The following HS3ST4 variants were observed in gnomAD, a reference collection of about 807,000 sequenced individuals.
HS3ST4 encodes heparan sulfate glucosamine 3-O-sulfotransferase 4.
In HS3ST4, 17 loss-of-function variants were observed where a neutral mutation model predicts 29.2. The ratio of observed to expected loss-of-function variants is 0.58; its 90% CI spans 0.40 to 0.87. The LOEUF (loss-of-function observed/expected upper bound fraction) is 0.87. Ranked by LOEUF, HS3ST4 falls within the 40% of genes least tolerant of loss-of-function variation. HS3ST4 has a pLI of 0.00. For missense variants in HS3ST4, 627 were observed against 634.5 expected, an observed-to-expected ratio of 0.99 and a Z score of 0.13; for synonymous variants, 314 against 285.7, an observed-to-expected ratio of 1.10 and a Z score of -1.00.
Position 25,692,778 on chromosome 16 carries a change from C to A in HS3ST4, c.361C>A (p.Pro121Thr), listed in dbSNP as rs902949803. 5.1e-6 allele frequency: 7 copies of A among 1,363,938 alleles called. No individual in the cohort carries two copies. Among genetic ancestry groups the A allele is most frequent in the African/African-American group, 4.6e-5 (3 of 64,992 alleles). The allele number at this position is 1,363,938 out of a possible 1,614,324, so 84.5% of individuals were successfully genotyped here. The change falls in exon 1 of 2, where the codon CCC (proline) becomes ACC (threonine). Residue 121 changes from proline (P) to threonine (T), a missense_variant. By Grantham distance (38) the Pro-to-Thr change is conservative (BLOSUM62 -1). This residue lies in a region of HS3ST4 where 402 missense variants were observed against 340.8 expected (regional missense o/e 1.18). Coordinates refer to ENST00000331351, the MANE Select transcript of HS3ST4 (RefSeq NM_006040.3). The stretch of plus-strand genomic sequence containing the variant: ...CGAGCCCCCAGAGCAGCCAGCCGCC[C>A]CCGGGACCGACGGCTGGGGGCTGCC... ...PPEPPEQPAA[P>T]GTDGWGLPSG... is the part of the protein sequence containing the mutation.
intron 1 of HS3ST4, among the ~76,000 whole-genome samples, chr16:26,086,187 T>C (rs1003922380): frequency 1.3e-4 from 20 of 152,128 alleles, no homozygotes; most frequent in African/African-American, 4.3e-4. Context: ...CTATTTATGA[T>C]CACTCGCCCT....
At chr16:26,046,680 T>C (rs1329070213) in intron 1 of HS3ST4, among the ~76,000 whole-genome samples, 1 of 152,102 alleles carries the variant, frequency 6.6e-6, no homozygotes, top group Non-Finnish European at 1.5e-5. Context: ...CTATCTCAGC[T>C]TCATGTAGAG....
At chr16:26,049,327 G>GTCCAGAGGTCTACA (rs1380744515) in intron 1 of HS3ST4, among the ~76,000 whole-genome samples, 1 of 125,812 alleles carries the variant, frequency 7.9e-6, no homozygotes, top group African/African-American at 3.2e-5. Context: ...CTGCTGGGAA[G>GTCCAGAGGTCTACA]TCCGGAGGTC....
intron 1 of HS3ST4, among the ~76,000 whole-genome samples, chr16:26,017,865 A>G (rs1388422763): frequency 2.0e-5 from 3 of 152,188 alleles, no homozygotes; most frequent in East Asian, 1.9e-4. Context: ...AATGGTACCA[A>G]TGGGAGATTT....
At chr16:26,120,958 C>A (rs369643895) in intron 1 of HS3ST4, among the ~76,000 whole-genome samples, 2 of 152,206 alleles carry the variant, frequency 1.3e-5, no homozygotes, top group African/African-American at 4.8e-5. Flanking sequence ...AATTAACACG[C>A]GTACTGAGCA....
rs58739707 is a variant in HS3ST4, at chr16:25,733,566, T to C, written c.734+40415T>C. ...CCAGTACAGGTTGCAGGATTAAAAATCATGGTGCAGAGAAGACCATGGGCT... is the reference window on the plus strand; with the variant it reads ...CCAGTACAGGTTGCAGGATTAAAAACCATGGTGCAGAGAAGACCATGGGCT... On this transcript the variant is annotated intron_variant, in intron 1 of 1. Transcript: ENST00000331351. Among the ~76,000 whole-genome samples, 440 of 152,304 alleles carry C rather than the reference T, an allele frequency of 2.9e-3. 3 individuals are homozygous for C. The highest frequency in any genetic ancestry group is 0.01 in the African/African-American group (416 of 41,564).
intron 1 of HS3ST4, among the ~76,000 whole-genome samples, chr16:26,097,492 C>T (rs1298184695): frequency 6.6e-6 from 1 of 152,188 alleles, no homozygotes; most frequent in African/African-American, 2.4e-5. Flanking sequence ...AAAGGATTCC[C>T]TATTTAATAA....
At chr16:25,882,014 G>A (rs1967900559) in intron 1 of HS3ST4, among the ~76,000 whole-genome samples, 2 of 152,134 alleles carry the variant, frequency 1.3e-5, no homozygotes, top group South Asian at 4.1e-4. Flanking sequence ...GCAGCTTCAG[G>A]TGGCTTTGCT....
intron 1 of HS3ST4, among the ~76,000 whole-genome samples, chr16:25,795,700 G>T (rs1037408644): frequency 1.3e-5 from 2 of 152,146 alleles, no homozygotes; most frequent in Non-Finnish European, 2.9e-5. Flanking sequence ...CTCCTGTGTG[G>T]GTTCGACCTT....
chr16:25,703,002 T>C (rs1202263430), intron 1 of HS3ST4, among the ~76,000 whole-genome samples: 5 of 151,938 alleles, frequency 3.3e-5, no homozygotes, highest in African/African-American at 7.3e-5. Context: ...CTACTAAAAA[T>C]ACAAAAATTA....
intron 1 of HS3ST4, among the ~76,000 whole-genome samples, chr16:26,081,287 C>A (rs867088243): frequency 3.6e-3 from 477 of 130,814 alleles, no homozygotes; most frequent in Non-Finnish European, 4.2e-3. Context: ...AATCCTGTCT[C>A]AAAAAAAAAA....
chr16:25,802,754 C>T (rs1002403302), intron 1 of HS3ST4, among the ~76,000 whole-genome samples: 21 of 151,994 alleles, frequency 1.4e-4, no homozygotes, highest in African/African-American at 4.8e-4. Context: ...ATGTTTATAT[C>T]CTCCATCAAA....
At chr16:26,015,011 A>C (rs1193052854) in intron 1 of HS3ST4, among the ~76,000 whole-genome samples, 2 of 152,234 alleles carry the variant, frequency 1.3e-5, no homozygotes, top group African/African-American at 4.8e-5. Context: ...TGTTGAAGAA[A>C]AGATTTTAAA....
chr16:25,738,758 T>G (rs1251457731), intron 1 of HS3ST4, among the ~76,000 whole-genome samples: 4 of 152,164 alleles, frequency 2.6e-5, no homozygotes, highest in Non-Finnish European at 5.9e-5. Context: ...CCTACATTGT[T>G]AGGCTTCTCC....
At chr16:25,893,008 A>G (rs1274554575) in intron 1 of HS3ST4, among the ~76,000 whole-genome samples, 2 of 152,212 alleles carry the variant, frequency 1.3e-5, no homozygotes, top group African/African-American at 4.8e-5. Flanking sequence ...ACAGAGTGAG[A>G]GCAAAGAAGT....
chr16:25,717,862 C>G (rs118070404), intron 1 of HS3ST4, among the ~76,000 whole-genome samples: 1 of 152,030 alleles, frequency 6.6e-6, no homozygotes, highest in Non-Finnish European at 1.5e-5. Flanking sequence ...GACAAGAGTA[C>G]GTACATCTAG....
chr16:26,016,063 C>A (rs927753003), intron 1 of HS3ST4, among the ~76,000 whole-genome samples: 1 of 152,168 alleles, frequency 6.6e-6, no homozygotes, highest in Non-Finnish European at 1.5e-5. Context: ...AGTATCTGTA[C>A]TGGTGAGGCC....
intron 1 of HS3ST4, among the ~76,000 whole-genome samples, chr16:25,858,853 T>C (rs988924649): frequency 5.3e-5 from 8 of 152,164 alleles, no homozygotes; most frequent in African/African-American, 1.7e-4. Flanking sequence ...CTGAACACTT[T>C]GTATGTGTCC....
At chr16:25,919,585 G>T (rs1253276857) in intron 1 of HS3ST4, among the ~76,000 whole-genome samples, 2 of 152,164 alleles carry the variant, frequency 1.3e-5, no homozygotes, top group South Asian at 4.1e-4. Context: ...AGATAAGGTT[G>T]AGTGAGAAAA....
Sources: allele counts gnomAD v4.1 joint callset (sites outside exome capture counted in the v4.1 genomes callset), GRCh38; gene constraint gnomAD v4.1.1; regional missense constraint gnomAD v4.1.1; transcripts MANE v1.5; gene names NCBI Gene and HGNC (gene_info 2026-07-23, HGNC 2026-07-21).